The following STXBP4 variants were observed in gnomAD, a reference collection of about 807,000 sequenced individuals.
STXBP4 encodes syntaxin binding protein 4, also known as syntaxin-binding protein 4.
In STXBP4, 55 loss-of-function variants were observed where a neutral mutation model predicts 76.1. The ratio of observed to expected loss-of-function variants is 0.72; its 90% CI spans 0.58 to 0.91. STXBP4 has a LOEUF of 0.91. STXBP4 is among the 40% of genes least tolerant of loss of function. The pLI, the probability that STXBP4 is intolerant of heterozygous loss-of-function variation, is 0.00. For missense variants in STXBP4, 618 were observed against 636.9 expected, an observed-to-expected ratio of 0.97 and a Z score of 0.32; for synonymous variants, 201 against 220.2, an observed-to-expected ratio of 0.91 and a Z score of 0.77.
At chr17:54,997,612 A>T (rs1022828009) in intron 4 of STXBP4, among the ~76,000 whole-genome samples, 6 of 146,030 alleles carry the variant, frequency 4.1e-5, no homozygotes, top group East Asian at 2.0e-4. Flanking sequence ...ATATATATAT[A>T]TATTTTTTTT....
intron 12 of STXBP4, among the ~76,000 whole-genome samples, chr17:55,069,105 CATTTT>C (rs978071925): frequency 7.0e-6 from 1 of 141,946 alleles, no homozygotes; most frequent in African/African-American, 2.6e-5. Context: ...AGAAAAACCT[CATTTT>C]ATAAAGGGCC....
At chr17:54,970,037 CTACCTACT>C in intron 1 of STXBP4, among the ~76,000 whole-genome samples, 1 of 152,238 alleles carries the variant, frequency 6.6e-6, no homozygotes, top group Admixed American at 6.5e-5. Context: ...TGATAAGGAG[CTACCTACT>C]CAATAACAAT....
At chr17:55,057,452 T>A (rs1007660895) in intron 12 of STXBP4, among the ~76,000 whole-genome samples, 1 of 152,228 alleles carries the variant, frequency 6.6e-6, no homozygotes, top group Non-Finnish European at 1.5e-5. Context: ...AGCACAAATA[T>A]TTTCAATATG....
In STXBP4 at chr17:55,172,417, T is replaced by C. The variant is rs553147771; in HGVS notation, c.*12506T>C. The C allele has an allele frequency of 1.3e-5, 2 of 152,330 alleles. No individual in the cohort carries two copies. Among genetic ancestry groups the C allele is most frequent in the South Asian group, 4.1e-4 (2 of 4,824 alleles). 9.4% of individuals were successfully genotyped at this position (152,330 alleles called of 1,614,324 possible). A position where few individuals can be genotyped will look rare whatever the true frequency, so the allele number is the denominator to read the frequency against. Reference sequence around the variant, plus strand: ...GTCCTGGAATGCAGGTAACTAAAACTTCAGCAGATTATGAAAAACAAAAGT... The same window carrying C: ...GTCCTGGAATGCAGGTAACTAAAACCTCAGCAGATTATGAAAAACAAAAGT... On this transcript the variant is annotated 3_prime_UTR_variant, in exon 18 of 18. Transcript: ENST00000376352.
intron 6 of STXBP4, 27 bp downstream of exon 6, chr17:54,999,869 T>A: frequency 6.8e-7 from 1 of 1,464,562 alleles, no homozygotes. Context: ...TAAATTTCTC[T>A]ATATATGCAC....
intron 16 of STXBP4, among the ~76,000 whole-genome samples, chr17:55,127,648 G>A (rs1013376020): frequency 1.3e-5 from 2 of 151,976 alleles, no homozygotes. Flanking sequence ...CTTCATGAGA[G>A]CTATTATTTG....
At chr17:55,207,468 T>C in the STXBP4 span, among the ~76,000 whole-genome samples, 7 of 152,136 alleles carry the variant, frequency 4.6e-5, no homozygotes, top group Admixed American at 4.6e-4. Flanking sequence ...GCTATTCACA[T>C]AGGGAGCCCC....
chr17:55,192,452 C>A, the STXBP4 span, among the ~76,000 whole-genome samples: 2 of 152,156 alleles, frequency 1.3e-5, no homozygotes, highest in South Asian at 2.1e-4. Context: ...AGTTGTTCTT[C>A]CTAAATTAAC....
At chr17:55,177,486 T>C (rs1446600738), downstream of STXBP4, among the ~76,000 whole-genome samples, 1 of 151,964 alleles carries the variant, frequency 6.6e-6, no homozygotes, top group African/African-American at 2.4e-5. Context: ...GAAAAGAAAA[T>C]GTGGCTGATA....
chr17:55,167,596 T>C lies in STXBP4; in HGVS notation c.*7685T>C, dbSNP rs926442062. ...TGATTTGCCCAAGGTTCTGAAGAAA[T>C]ACCACAGAATGATTTTGGTATAGAA... On this transcript the variant is annotated 3_prime_UTR_variant, in exon 18 of 18. Coordinates refer to ENST00000376352, the MANE Select transcript of STXBP4 (RefSeq NM_178509.6). The C allele has an allele frequency of 3.3e-5, 5 of 152,194 alleles. No individual in the cohort carries two copies. Among genetic ancestry groups the C allele is most frequent in the Non-Finnish European group, 5.9e-5 (4 of 68,026 alleles). 9.4% of individuals were successfully genotyped at this position (152,194 alleles called of 1,614,324 possible).
chr17:54,979,913 A>C (rs986227032), intron 1 of STXBP4, among the ~76,000 whole-genome samples: 2 of 152,180 alleles, frequency 1.3e-5, no homozygotes, highest in African/African-American at 4.8e-5. Flanking sequence ...CTGGCAAGGA[A>C]GGATGGGAAT....
At chr17:55,203,634 T>C in the STXBP4 span, among the ~76,000 whole-genome samples, 3 of 152,174 alleles carry the variant, frequency 2.0e-5, no homozygotes, top group Admixed American at 6.5e-5. Context: ...TATAAGCAGA[T>C]ACATTTTAGC....
At chr17:55,014,764 G>A (rs145134771) in intron 8 of STXBP4, among the ~76,000 whole-genome samples, 1 of 152,272 alleles carries the variant, frequency 6.6e-6, no homozygotes, top group African/African-American at 2.4e-5. Context: ...GGACAAGGGG[G>A]CAGCTTATTT....
chr17:55,129,036 T>G (rs2079944969), intron 16 of STXBP4, among the ~76,000 whole-genome samples: 1 of 151,632 alleles, frequency 6.6e-6, no homozygotes, highest in African/African-American at 2.4e-5. Context: ...TTCAAGTGAT[T>G]CTCCTGCCTC....
chr17:55,059,290 A>T (rs2078968514), intron 12 of STXBP4, among the ~76,000 whole-genome samples: 1 of 152,160 alleles, frequency 6.6e-6, no homozygotes, highest in South Asian at 2.1e-4. Flanking sequence ...GTAAAAAAGG[A>T]TTTATAATTA....
rs185336564 is a variant in STXBP4, at chr17:55,097,262, C to T, written c.1489+16079C>T. 1.1e-4 allele frequency among the ~76,000 whole-genome samples: 17 copies of T among 152,244 alleles called. No homozygotes were observed. The East Asian group carries it at 3.1e-3, about 28-fold the overall frequency. ...CTTCTTAGACAAGTTATTTTACAAC[C>T]TTAAGTAAATTATTCAACCTCACTT... On this transcript the variant is annotated intron_variant, in intron 16 of 17. Coordinates refer to ENST00000376352, the MANE Select transcript of STXBP4 (RefSeq NM_178509.6).
chr17:55,153,942 T>C (rs1331497717), intron 17 of STXBP4, among the ~76,000 whole-genome samples: 1 of 152,200 alleles, frequency 6.6e-6, no homozygotes, highest in African/African-American at 2.4e-5. Context: ...GTTGTTCATA[T>C]ATTTATTGAG....
At chr17:55,113,656 AT>A (rs980474004) in intron 16 of STXBP4, among the ~76,000 whole-genome samples, 29 of 152,192 alleles carry the variant, frequency 1.9e-4, no homozygotes, top group Admixed American at 1.9e-3. Context: ...GTTAAACTTT[AT>A]TTTTGTTATT....
At chr17:55,061,213 G>A (rs1293479053) in intron 12 of STXBP4, among the ~76,000 whole-genome samples, 1 of 152,144 alleles carries the variant, frequency 6.6e-6, no homozygotes, top group Non-Finnish European at 1.5e-5. Context: ...AGCAACAAAG[G>A]AAACCAAGAA....
Sources: gnomAD v4.1 joint callset for allele counts (sites outside exome capture counted in the v4.1 genomes callset) on GRCh38, gnomAD v4.1.1 for gene constraint, MANE v1.5 for transcripts, NCBI Gene and HGNC (gene_info 2026-07-23, HGNC 2026-07-21) for gene names.